C10orf143: variants seen among roughly 807,000 people sequenced by gnomAD.
The protein encoded by C10orf143 is uncharacterized protein C10orf143.
intron 1 of C10orf143, among the ~76,000 whole-genome samples, chr10:130,097,949 G>A (rs1379010786): frequency 6.6e-6 from 1 of 151,548 alleles, no homozygotes. Context: ...CTGAAGTGAA[G>A]AGAATGAAAA....
chr10:130,106,998 CTAAGT>C, intron 1 of C10orf143: 1 of 1,106,236 alleles, frequency 9.0e-7, no homozygotes, highest in East Asian at 2.3e-5. Flanking sequence ...ATTCATGCTA[CTAAGT>C]TAAATGCTTC....
intron 1 of C10orf143, among the ~76,000 whole-genome samples, chr10:130,090,135 T>C (rs187358120): frequency 4.6e-5 from 7 of 152,190 alleles, no homozygotes; most frequent in African/African-American, 7.2e-5. Flanking sequence ...GATGGCCAAA[T>C]AGGAACAGCT....
rs1264255126 is a variant in C10orf143, at chr10:130,064,113, T to C, written c.*241A>G. 4 of 368,824 alleles carry C rather than the reference T, an allele frequency of 1.1e-5. No homozygotes were observed. The East Asian group carries it at 1.2e-4, about 11-fold the overall frequency. 22.8% of individuals were successfully genotyped at this position (368,824 alleles called of 1,614,324 possible). A position where few individuals can be genotyped will look rare whatever the true frequency, so the allele number is the denominator to read the frequency against. Reference sequence around the variant, plus strand: ...ACCAGGAACATTCGAAAGGAGGCTGTAGTACGTAGTAAGGATTTGGGGGCT... The same window carrying C: ...ACCAGGAACATTCGAAAGGAGGCTGCAGTACGTAGTAAGGATTTGGGGGCT... On this transcript the variant is annotated 3_prime_UTR_variant, in exon 4 of 4. Coordinates refer to ENST00000637128, the MANE Select transcript of C10orf143 (RefSeq NM_001355042.2).
intron 1 of C10orf143, among the ~76,000 whole-genome samples, chr10:130,091,864 GA>G (rs1812023087): frequency 1.3e-5 from 2 of 152,152 alleles, no homozygotes; most frequent in South Asian, 4.2e-4. Flanking sequence ...ATAAGATTAA[GA>G]AAAAAGAATG....
intron 1 of C10orf143, chr10:130,107,317 A>G: frequency 1.9e-6 from 2 of 1,071,074 alleles, no homozygotes; most frequent in Non-Finnish European, 2.9e-6. Flanking sequence ...ATGCCACTAA[A>G]GAGCTGGAGA....
chr10:130,074,407 C>T (rs1251830194), intron 3 of C10orf143, among the ~76,000 whole-genome samples: 1 of 152,218 alleles, frequency 6.6e-6, no homozygotes, highest in Non-Finnish European at 1.5e-5. Flanking sequence ...GTGTTTTCTT[C>T]TCTCAGGACA....
At chr10:130,089,378 G>A (rs189629579) in intron 1 of C10orf143, among the ~76,000 whole-genome samples, 17 of 152,286 alleles carry the variant, frequency 1.1e-4, no homozygotes, top group Admixed American at 6.5e-5. Flanking sequence ...TAGTTTAGAT[G>A]TTTCCACATT....
At chr10:130,045,957 G>A (rs556128261) in intron 3 of C10orf143, among the ~76,000 whole-genome samples, 1 of 152,158 alleles carries the variant, frequency 6.6e-6, no homozygotes, top group African/African-American at 2.4e-5. Flanking sequence ...TGCCGGGCGT[G>A]AGGTGCTGGA....
In C10orf143 at chr10:130,055,134, G is replaced by C. The variant is rs180984561; in HGVS notation, c.298-19164C>G. Among the ~76,000 whole-genome samples the C allele has an allele frequency of 1.9e-3, 285 of 152,044 alleles. 3 individuals carry two copies. Among genetic ancestry groups the C allele is most frequent in the African/African-American group, 6.4e-3 (264 of 41,436 alleles). On this transcript the variant is annotated intron_variant and NMD_transcript_variant, in intron 3 of 5. Transcript: ENST00000643056. ...ATTTCCCCAAGTGGGCTAATGCCTA[G>C]CAAACAAACAGAAAACAAAAAACTC...
Position 130,084,651 on chromosome 10 carries a change from T to TAC in C10orf143, c.70-4752_70-4751dup, listed in dbSNP as rs56725445. ...TGTGAGTTACTGTGTGTGCAGGTGA[T>TAC]ACACACACACACACACACACACATA... is the stretch of plus-strand genomic sequence containing the variant. On this transcript the variant is annotated intron_variant, in intron 1 of 3. Transcript: ENST00000637128. Among the ~76,000 whole-genome samples the TAC allele has an allele frequency of 9.4e-4, 141 of 150,484 alleles. No homozygotes were observed. In the Middle Eastern group the frequency reaches 0.01, roughly 11 times the overall value.
chr10:130,081,735 A>T (rs557379160), intron 1 of C10orf143, among the ~76,000 whole-genome samples: 110 of 151,658 alleles, frequency 7.3e-4, no homozygotes, highest in Middle Eastern at 3.4e-3. Context: ...GAAAGAATTT[A>T]AAAAAAAATT....
chr10:130,088,621 T>G (rs1161050778), intron 1 of C10orf143, among the ~76,000 whole-genome samples: 2 of 152,190 alleles, frequency 1.3e-5, no homozygotes, highest in East Asian at 3.9e-4. Context: ...GAGGGAGGTT[T>G]CTTTGGTTCA....
intron 1 of C10orf143, among the ~76,000 whole-genome samples, chr10:130,088,665 T>C (rs1319386440): frequency 4.6e-5 from 7 of 152,154 alleles, no homozygotes; most frequent in Non-Finnish European, 8.8e-5. Flanking sequence ...TAAAGTTACT[T>C]CTGCAGGATG....
chr10:130,107,390 C>T (rs750869827), intron 1 of C10orf143: 9 of 1,136,386 alleles, frequency 7.9e-6, no homozygotes, highest in Middle Eastern at 2.0e-4. Context: ...TTATTATCAA[C>T]GGCAGATTAT....
At chr10:130,041,421 G>C (rs1425314019) in intron 3 of C10orf143, among the ~76,000 whole-genome samples, 2 of 152,182 alleles carry the variant, frequency 1.3e-5, no homozygotes, top group Non-Finnish European at 2.9e-5. Context: ...GATAGGTTTT[G>C]CCAAATTTCT....
intron 1 of C10orf143, among the ~76,000 whole-genome samples, chr10:130,099,256 C>T (rs1285844977): frequency 6.6e-6 from 1 of 151,972 alleles, no homozygotes; most frequent in Non-Finnish European, 1.5e-5. Context: ...TATAATATAG[C>T]TCAACAGATT....
chr10:130,046,986 C>T (rs145664295), intron 3 of C10orf143, among the ~76,000 whole-genome samples: 309 of 152,334 alleles, frequency 2.0e-3, no homozygotes, highest in African/African-American at 7.2e-3. Flanking sequence ...ACAGACAGTA[C>T]GGTTGTTCAG....
At chr10:130,048,876 T>C in intron 3 of C10orf143, among the ~76,000 whole-genome samples, 1 of 152,090 alleles carries the variant, frequency 6.6e-6, no homozygotes, top group Admixed American at 6.6e-5. Flanking sequence ...TTAGTTTTAT[T>C]TATTTATTCT....
chr10:130,069,910 C>G (rs1436376189), intron 3 of C10orf143, among the ~76,000 whole-genome samples: 1 of 151,894 alleles, frequency 6.6e-6, no homozygotes, highest in Non-Finnish European at 1.5e-5. Flanking sequence ...GCATACCGAG[C>G]AGAAGTGCTA....
Sources: gnomAD v4.1 joint callset for allele counts (sites outside exome capture counted in the v4.1 genomes callset) on GRCh38, gnomAD v4.1.1 for gene constraint, MANE v1.5 for transcripts, NCBI Gene and HGNC (gene_info 2026-07-23, HGNC 2026-07-21) for gene names.